The following TPO variants were observed in gnomAD, a reference collection of about 807,000 sequenced individuals.
TPO encodes thyroid peroxidase, also known as thyroid microsomal antigen.
TPO carries 78 observed loss-of-function variants against 96.9 expected under a neutral mutation model. The observed-to-expected ratio is 0.81, with a 90% confidence interval of 0.67 to 0.97. The LOEUF is 0.97. TPO is among the 50% of genes least tolerant of loss of function. TPO has a pLI of 0.00. For missense variants in TPO, 1,252 were observed against 1,274.8 expected (o/e 0.98, Z 0.27); for synonymous variants, 547 against 538.0 (o/e 1.02, Z -0.23).
intron 8 of TPO, among the ~76,000 whole-genome samples, chr2:1,478,891 C>T (rs1670263588): frequency 6.6e-6 from 1 of 152,102 alleles, no homozygotes; most frequent in Non-Finnish European, 1.5e-5. Context: ...TCCTAACGCA[C>T]ATCCACACAG....
At chr2:1,437,811 G>T (rs1665733649) in intron 5 of TPO, among the ~76,000 whole-genome samples, 1 of 147,310 alleles carries the variant, frequency 6.8e-6, no homozygotes, top group Admixed American at 6.9e-5. Context: ...GGAGGCTGCT[G>T]TCCACCCCTC....
At chr2:1,502,974 C>T (rs965866590) in intron 13 of TPO, among the ~76,000 whole-genome samples, 1 of 152,214 alleles carries the variant, frequency 6.6e-6, no homozygotes, top group African/African-American at 2.4e-5. Context: ...GCCTTCGAGG[C>T]CTCACGGGTC....
intron 13 of TPO, among the ~76,000 whole-genome samples, chr2:1,500,478 CTT>C (rs1315344390): frequency 6.6e-6 from 1 of 152,164 alleles, no homozygotes; most frequent in Non-Finnish European, 1.5e-5. Flanking sequence ...AGACAGGAAA[CTT>C]TACGTTTATG....
At chr2:1,529,715 C>T (rs1182468682) in intron 15 of TPO, among the ~76,000 whole-genome samples, 652 of 60,328 alleles carry the variant, frequency 0.011, 24 homozygotes, top group African/African-American at 0.035. Context: ...GCAACCTCCT[C>T]AAATCCCCCC....
intron 5 of TPO, among the ~76,000 whole-genome samples, chr2:1,452,432 C>T (rs1015895475): frequency 3.3e-5 from 5 of 152,348 alleles, no homozygotes; most frequent in Non-Finnish European, 7.3e-5. Flanking sequence ...ACTAATAGTG[C>T]TCCTGTCTCC....
upstream of TPO, among the ~76,000 whole-genome samples, chr2:1,413,117 C>T (rs564779165): frequency 4.6e-5 from 7 of 152,090 alleles, no homozygotes; most frequent in African/African-American, 7.2e-5. Flanking sequence ...ACCCAATCCT[C>T]GGAAGATTAA....
In TPO at chr2:1,453,587, G is replaced by A. The variant is rs529969970; in HGVS notation, c.483-107G>A. On this transcript the variant is annotated intron_variant, in intron 5 of 16. Coordinates refer to ENST00000329066, the MANE Select transcript of TPO (RefSeq NM_001206744.2). ...GGGAGCTGTGCCCCTTGGGCCTCCGGAGAGACCCCACTTATTCTCCCTGAG... is the reference window on the plus strand; with the variant it reads ...GGGAGCTGTGCCCCTTGGGCCTCCGAAGAGACCCCACTTATTCTCCCTGAG... 24 of 1,563,666 alleles carry A rather than the reference G, an allele frequency of 1.5e-5. No homozygotes were observed. In the East Asian group the frequency reaches 5.2e-4, roughly 34 times the overall value.
intron 15 of TPO, among the ~76,000 whole-genome samples, chr2:1,523,338 T>A (rs1387403385): frequency 6.4e-5 from 6 of 93,734 alleles, no homozygotes; most frequent in Non-Finnish European, 2.0e-5. Flanking sequence ...CCCCACTGTG[T>A]GCAACTTCCC....
At chr2:1,540,897 A>G in intron 16 of TPO, 174 bp downstream of exon 16, 1 of 1,546,250 alleles carries the variant, frequency 6.5e-7, no homozygotes, top group Non-Finnish European at 8.7e-7. Context: ...ACAGTGAGCC[A>G]GAATGTGAGC....
chr2:1,435,989 T>G (rs545245132), intron 4 of TPO, among the ~76,000 whole-genome samples: 1 of 152,300 alleles, frequency 6.6e-6, no homozygotes, highest in South Asian at 2.1e-4. Context: ...GGCTGAGAGC[T>G]CCTAGATTGC....
At chr2:1,407,612 G>C (rs1282820630) in intron 1 of TPO, among the ~76,000 whole-genome samples, 1 of 152,152 alleles carries the variant, frequency 6.6e-6, no homozygotes, top group South Asian at 2.1e-4. Flanking sequence ...AAGTCACAAA[G>C]TTACTTGGTC....
At chr2:1,464,378 T>C (rs1365761035) in intron 7 of TPO, among the ~76,000 whole-genome samples, 1 of 152,238 alleles carries the variant, frequency 6.6e-6, no homozygotes, top group Non-Finnish European at 1.5e-5. Context: ...AATGCATTTT[T>C]CGTATAATGA....
intron 9 of TPO, 88 bp from the exon 10 acceptor site, chr2:1,487,733 C>A (rs1027339667): frequency 6.6e-7 from 1 of 1,518,108 alleles, no homozygotes; most frequent in Non-Finnish European, 8.9e-7. Context: ...AATGAGACTC[C>A]GTCTCAAAAA....
chr2:1,465,137 A>G (rs1195584461), intron 7 of TPO, among the ~76,000 whole-genome samples: 2 of 152,160 alleles, frequency 1.3e-5, no homozygotes, highest in Non-Finnish European at 2.9e-5. Flanking sequence ...TTATCGCAGC[A>G]TCATTTGTTG....
chr2:1,458,618 G>A (rs565451780), intron 7 of TPO, among the ~76,000 whole-genome samples: 6 of 152,080 alleles, frequency 3.9e-5, no homozygotes, highest in South Asian at 2.1e-4. Flanking sequence ...GTGTGGGCAC[G>A]TGTGTTTATA....
At chr2:1,538,642 CTGTTAAGACATGGTT>C (rs1680358406) in intron 15 of TPO, among the ~76,000 whole-genome samples, 1 of 152,262 alleles carries the variant, frequency 6.6e-6, no homozygotes, top group East Asian at 1.9e-4. Flanking sequence ...AAGACATGCT[CTGTTAAGACATGGTT>C]GCTTCAGGTG....
intron 9 of TPO, among the ~76,000 whole-genome samples, chr2:1,485,538 C>G (rs1671077454): frequency 6.6e-6 from 1 of 151,744 alleles, no homozygotes; most frequent in Non-Finnish European, 1.5e-5. Context: ...TAAAAGCATT[C>G]CTTTTCTCCA....
chr2:1,414,441 G>T lies in TPO; in HGVS notation c.33G>T (p.Leu11=), dbSNP rs1558255344. The T allele has an allele frequency of 3.7e-6, 6 of 1,614,036 alleles. No homozygotes were observed. Among genetic ancestry groups the T allele is most frequent in the Non-Finnish European group, 5.1e-6 (6 of 1,179,996 alleles). ...CGCTCGCTGTGCTGTCTGTCACGCT[G>T]GTTATGGCCTGCACAGAAGCCTTCT... MRALAVLSVT[L]VMACTEAFFP... is the part of the protein sequence containing the mutation. Residue 11 remains leucine, a synonymous_variant, in exon 2 of 17, where the codon CTG becomes CTT. Coordinates refer to ENST00000329066, the MANE Select transcript of TPO (RefSeq NM_001206744.2).
chr2:1,433,908 A>G (rs867518910), intron 4 of TPO, among the ~76,000 whole-genome samples: 1 of 152,230 alleles, frequency 6.6e-6, no homozygotes, highest in East Asian at 1.9e-4. Context: ...GAATTTTCCC[A>G]TAGCCCCCCT....
Sources: gnomAD v4.1 joint callset for allele counts (sites outside exome capture counted in the v4.1 genomes callset) on GRCh38, gnomAD v4.1.1 for gene constraint, MANE v1.5 for transcripts, NCBI Gene and HGNC (gene_info 2026-07-23, HGNC 2026-07-21) for gene names.